DPYD: variants seen among roughly 807,000 people sequenced by gnomAD.
The protein encoded by DPYD is dihydropyrimidine dehydrogenase [NADP(+)].
In DPYD, 109 loss-of-function variants were observed where a neutral mutation model predicts 116.2. That is an observed-to-expected ratio of 0.94 (90% CI 0.80 to 1.10). The LOEUF is 1.10. DPYD is among the 50% of genes least tolerant of loss of function. The pLI, the probability that DPYD is intolerant of heterozygous loss-of-function variation, is 0.00. For missense variants in DPYD, 1,302 were observed against 1,254.5 expected (o/e 1.04, Z -0.57); for synonymous variants, 440 against 432.0 (o/e 1.02, Z -0.23).
chr1:97,592,012 C>G (rs1035413190), intron 10 of DPYD, among the ~76,000 whole-genome samples: 1 of 152,058 alleles, frequency 6.6e-6, no homozygotes, highest in Non-Finnish European at 1.5e-5. Flanking sequence ...GAAACTCAGC[C>G]ATGAACCAAT....
At chr1:97,363,151 C>G (rs1670835739) in intron 16 of DPYD, among the ~76,000 whole-genome samples, 1 of 152,160 alleles carries the variant, frequency 6.6e-6, no homozygotes, top group African/African-American at 2.4e-5. Flanking sequence ...AGGATATGAA[C>G]AGACATTTCT....
intron 11 of DPYD, among the ~76,000 whole-genome samples, chr1:97,572,578 A>G (rs374802821): frequency 1.3e-5 from 2 of 151,982 alleles, no homozygotes; most frequent in South Asian, 4.1e-4. Flanking sequence ...TAGTAAGAAG[A>G]ATGGGATTTT....
chr1:97,857,261 C>A (rs1670887710), intron 2 of DPYD, among the ~76,000 whole-genome samples: 1 of 152,146 alleles, frequency 6.6e-6, no homozygotes, highest in Non-Finnish European at 1.5e-5. Flanking sequence ...TCCTAGCTAT[C>A]ATGGAGTATA....
chr1:97,283,488 G>C (rs550863863), intron 18 of DPYD, among the ~76,000 whole-genome samples: 1 of 152,000 alleles, frequency 6.6e-6, no homozygotes, highest in South Asian at 2.1e-4. Context: ...AAATTTTAAA[G>C]TAATTTTATG....
intron 3 of DPYD, among the ~76,000 whole-genome samples, chr1:97,790,102 G>A (rs1051637148): frequency 5.9e-5 from 9 of 152,236 alleles, no homozygotes; most frequent in East Asian, 5.8e-4. Flanking sequence ...TGGGACCTAC[G>A]TTGTAAACTT....
intron 12 of DPYD, among the ~76,000 whole-genome samples, chr1:97,543,696 CATAT>C (rs1650619287): frequency 7.9e-6 from 1 of 125,964 alleles, no homozygotes; most frequent in African/African-American, 2.8e-5. Context: ...ATGAACTTAT[CATAT>C]AACAAACTCA....
At chr1:97,150,789 C>T (rs1382932874) in intron 20 of DPYD, among the ~76,000 whole-genome samples, 2 of 152,080 alleles carry the variant, frequency 1.3e-5, no homozygotes, top group African/African-American at 4.8e-5. Context: ...TGAAACTAAC[C>T]ATCCTGTTCT....
At chr1:97,451,646 G>A (rs576563321) in intron 13 of DPYD, among the ~76,000 whole-genome samples, 1 of 152,162 alleles carries the variant, frequency 6.6e-6, no homozygotes, top group Admixed American at 6.5e-5. Flanking sequence ...ACTCCACGAA[G>A]CTCAAGCCTT....
At chr1:97,476,270 A>C (rs995930642) in intron 13 of DPYD, among the ~76,000 whole-genome samples, 1 of 152,232 alleles carries the variant, frequency 6.6e-6, no homozygotes, top group African/African-American at 2.4e-5. Flanking sequence ...GGGTTGGACT[A>C]TCAATCAAAA....
At chr1:97,257,435 G>GTGTA (rs1663557018) in intron 18 of DPYD, among the ~76,000 whole-genome samples, 1 of 136,142 alleles carries the variant, frequency 7.3e-6, no homozygotes, top group East Asian at 2.2e-4. Context: ...ATATACATAC[G>GTGTA]TATATATATA....
At chr1:97,396,413 A>T (rs1157506152) in intron 14 of DPYD, among the ~76,000 whole-genome samples, 3 of 146,508 alleles carry the variant, frequency 2.0e-5, no homozygotes, top group African/African-American at 7.5e-5. Flanking sequence ...ATTTTATTCA[A>T]TGTGTGTCAG....
chr1:97,351,487 T>G (rs1670141107), intron 16 of DPYD, among the ~76,000 whole-genome samples: 1 of 151,766 alleles, frequency 6.6e-6, no homozygotes, highest in African/African-American at 2.4e-5. Context: ...AAATAAATCA[T>G]GGAATGAAAG....
At chr1:97,194,812 T>C (rs1397272646) in intron 19 of DPYD, among the ~76,000 whole-genome samples, 5 of 152,058 alleles carry the variant, frequency 3.3e-5, no homozygotes, top group African/African-American at 4.8e-5. Flanking sequence ...CTCAGGTATA[T>C]CTTTATTAGC....
At chr1:97,125,174 GA>G (rs1157607390) in intron 20 of DPYD, among the ~76,000 whole-genome samples, 2 of 152,062 alleles carry the variant, frequency 1.3e-5, no homozygotes, top group East Asian at 3.9e-4. Context: ...TGGATTTTCA[GA>G]AAAGAAGAAA....
chr1:97,235,074 T>G, intron 18 of DPYD, 80 bp from the exon 19 acceptor site: 1 of 1,553,840 alleles, frequency 6.4e-7, no homozygotes. Flanking sequence ...ATTACTATGA[T>G]GTGATGACAG....
At chr1:97,894,154 T>C (rs1672929632) in intron 1 of DPYD, among the ~76,000 whole-genome samples, 1 of 151,736 alleles carries the variant, frequency 6.6e-6, no homozygotes, top group Non-Finnish European at 1.5e-5. Flanking sequence ...TCCTTTTCCC[T>C]CTTCTGACTC....
intron 13 of DPYD, among the ~76,000 whole-genome samples, chr1:97,463,696 C>G (rs1236519194): frequency 6.6e-6 from 1 of 152,098 alleles, no homozygotes; most frequent in African/African-American, 2.4e-5. Context: ...GAAATTCAGG[C>G]TGAGATGGTC....
intron 2 of DPYD, chr1:97,856,072 G>A (rs955643769): frequency 6.6e-6 from 1 of 152,130 alleles, no homozygotes. Flanking sequence ...ATGGAGCTGA[G>A]TTATTTAGAA....
At chr1:97,649,212 T>C (rs546698093) in intron 8 of DPYD, among the ~76,000 whole-genome samples, 4 of 152,176 alleles carry the variant, frequency 2.6e-5, no homozygotes, top group African/African-American at 9.6e-5. Context: ...GGAACTGTAA[T>C]TATTCAGCCT....
Sources: allele counts gnomAD v4.1 joint callset (sites outside exome capture counted in the v4.1 genomes callset), GRCh38; gene constraint gnomAD v4.1.1; transcripts MANE v1.5; gene names NCBI Gene and HGNC (gene_info 2026-07-23, HGNC 2026-07-21).